DNAH3: variants seen among roughly 807,000 people sequenced by gnomAD.
DNAH3 encodes the protein axonemal beta dynein heavy chain 3.
Under a neutral mutation model 432.5 loss-of-function variants are expected in DNAH3, and 332 were observed. That is an observed-to-expected ratio of 0.77 (90% CI 0.70 to 0.84). The LOEUF is 0.84. Among genes scored for constraint, DNAH3 ranks in the 40% least tolerant of loss-of-function variants. The pLI is 0.00. For missense variants in DNAH3, 4,861 were observed against 5,114.0 expected (o/e 0.95, Z 1.51); for synonymous variants, 1,956 against 1,900.2 (o/e 1.03, Z -0.76).
intron 39 of DNAH3, among the ~76,000 whole-genome samples, chr16:21,022,785 C>T (rs1325115888): frequency 1.3e-5 from 2 of 150,630 alleles, no homozygotes; most frequent in African/African-American, 2.4e-5. Flanking sequence ...TGTTCTGTCA[C>T]CAAGGCTGGA....
chr16:21,103,526 G>A (rs1410857322), intron 16 of DNAH3, among the ~76,000 whole-genome samples: 1 of 152,056 alleles, frequency 6.6e-6, no homozygotes, highest in Non-Finnish European at 1.5e-5. Context: ...CCATCCAGGT[G>A]GAGGCAGGAA....
chr16:21,155,450 T>C (rs185625664), intron 1 of DNAH3, among the ~76,000 whole-genome samples: 275 of 151,858 alleles, frequency 1.8e-3, no homozygotes, highest in African/African-American at 6.5e-3. Context: ...GGTGAAACCC[T>C]GTCTCTACTA....
At position 21,024,708 on chromosome 16, in the gene DNAH3, A is replaced by C; in HGVS notation, c.5541-7T>G. 6.2e-7 allele frequency: 1 copy of C among 1,610,652 alleles called. No individual in the cohort carries two copies. Among genetic ancestry groups the C allele is most frequent in the East Asian group, 2.2e-5 (1 of 44,812 alleles). On this transcript the variant is annotated splice_region_variant and splice_polypyrimidine_tract_variant and intron_variant, in intron 38 of 61. Transcript: ENST00000261383. ...CATGTAGATCATCCCACACCTGGGA[A>C]GCACAGAGGACCAGTTTAGGTGCTC...
chr16:21,074,875 G>A (rs920294097), intron 21 of DNAH3, among the ~76,000 whole-genome samples: 2 of 152,148 alleles, frequency 1.3e-5, no homozygotes, highest in Non-Finnish European at 2.9e-5. Flanking sequence ...AATGCTTTGG[G>A]TGTGTAGCAC....
chr16:20,977,955 T>C (rs960886539), intron 50 of DNAH3, among the ~76,000 whole-genome samples: 2 of 152,194 alleles, frequency 1.3e-5, no homozygotes, highest in Non-Finnish European at 2.9e-5. Flanking sequence ...CCATTTCCAA[T>C]GTTCTCTCCC....
At chr16:20,967,596 G>A (rs1023445806) in intron 52 of DNAH3, among the ~76,000 whole-genome samples, 1 of 137,718 alleles carries the variant, frequency 7.3e-6, no homozygotes, top group African/African-American at 2.7e-5. Flanking sequence ...TCTGCCTCCC[G>A]GATTCAAGCA....
chr16:20,964,965 A>G, exon 53 of DNAH3: 1 of 1,613,944 alleles, frequency 6.2e-7, no homozygotes, highest in Non-Finnish European at 8.5e-7. Flanking sequence ...CTCCCCCAAG[A>G]CCACTGATCA....
At chr16:21,051,628 G>A (rs1375343498) in intron 29 of DNAH3, 42 bp downstream of exon 29, 3 of 1,597,428 alleles carry the variant, frequency 1.9e-6, no homozygotes, top group East Asian at 2.2e-5. Flanking sequence ...TTCCCCTGGA[G>A]TTCTCCGTTC....
intron 26 of DNAH3, among the ~76,000 whole-genome samples, chr16:21,058,994 TAAAGTA>T (rs1264206122): frequency 1.3e-5 from 2 of 151,744 alleles, no homozygotes; most frequent in African/African-American, 4.8e-5. Context: ...TCCCAGAACT[TAAAGTA>T]AAATAAAATA....
rs71377697 is a variant in DNAH3 at position 20,944,776 on chromosome 16, G to GACACACAC, written c.11344-121_11344-114dup. The GACACACAC allele has an allele frequency of 3.2e-4, 225 of 702,182 alleles. 1 individual carries two copies. Among genetic ancestry groups the GACACACAC allele is most frequent in the African/African-American group, 2.4e-3 (135 of 55,416 alleles). 43.5% of individuals were successfully genotyped at this position (702,182 alleles called of 1,614,324 possible). On this transcript the variant is annotated intron_variant, in intron 57 of 61. Transcript: ENST00000261383. ...GAATCATACTGTATCAGTAGCACAG[G>GACACACAC]ACACACACACACACACACACACACA...
At chr16:21,001,406 T>C (rs999751951) in intron 42 of DNAH3, among the ~76,000 whole-genome samples, 1 of 152,150 alleles carries the variant, frequency 6.6e-6, no homozygotes, top group Non-Finnish European at 1.5e-5. Context: ...CACTGTGTTG[T>C]ACAACTACAG....
At chr16:21,100,316 C>T (rs2091805002) in intron 16 of DNAH3, among the ~76,000 whole-genome samples, 1 of 152,196 alleles carries the variant, frequency 6.6e-6, no homozygotes, top group Admixed American at 6.6e-5. Context: ...AGGTGATTCG[C>T]CCACCTTGGC....
intron 7 of DNAH3, among the ~76,000 whole-genome samples, chr16:21,131,436 GA>G (rs1555570351): frequency 7.0e-6 from 1 of 143,620 alleles, no homozygotes; most frequent in Non-Finnish European, 1.5e-5. Context: ...GAAAAGAAAG[GA>G]AGAAAGAAAG....
chr16:20,970,776 T>C (rs2085302750), intron 51 of DNAH3, among the ~76,000 whole-genome samples: 1 of 151,980 alleles, frequency 6.6e-6, no homozygotes, highest in Admixed American at 6.6e-5. Flanking sequence ...AGCAAACCAT[T>C]GCGCTTGTGA....
intron 4 of DNAH3, among the ~76,000 whole-genome samples, chr16:21,140,967 C>T (rs983260392): frequency 4.6e-5 from 7 of 151,994 alleles, no homozygotes; most frequent in African/African-American, 9.7e-5. Context: ...GGTGAAACCA[C>T]GTCTCTACTA....
exon 20 of DNAH3, chr16:21,081,703 T>C (rs1249874685): frequency 2.5e-6 from 4 of 1,613,846 alleles, no homozygotes; most frequent in Non-Finnish European, 3.4e-6. Context: ...GTGGGCTTTA[T>C]CTCATAGCCA....
chr16:21,085,810 C>G (rs1244052889), intron 19 of DNAH3, among the ~76,000 whole-genome samples: 1 of 151,956 alleles, frequency 6.6e-6, no homozygotes, highest in Non-Finnish European at 1.5e-5. Context: ...CCCCGTTACC[C>G]AGGCTGGAGT....
At chr16:21,058,005 C>T in intron 27 of DNAH3, 81 bp downstream of exon 27, 1 of 885,222 alleles carries the variant, frequency 1.1e-6, no homozygotes, top group Non-Finnish European at 1.9e-6. Context: ...GACAACAAAA[C>T]ATGGCTACTC....
chr16:21,137,263 A>T (rs2092656376), intron 5 of DNAH3, among the ~76,000 whole-genome samples: 4 of 145,810 alleles, frequency 2.7e-5, no homozygotes, highest in African/African-American at 1.0e-4. Context: ...TTTCTGTCTA[A>T]AAAAAAAAAA....
Sources: gnomAD v4.1 joint callset for allele counts (sites outside exome capture counted in the v4.1 genomes callset) on GRCh38, gnomAD v4.1.1 for gene constraint, MANE v1.5 for transcripts, NCBI Gene and HGNC (gene_info 2026-07-23, HGNC 2026-07-21) for gene names.